Variants in CDC42EP4 observed in about 807,000 individuals in gnomAD.
CDC42EP4 encodes CDC42 effector protein (Rho GTPase binding) 4.
Under a neutral mutation model 5.6 loss-of-function variants are expected in CDC42EP4, and 6 were observed. That is an observed-to-expected ratio of 1.07 (90% CI 0.59 to 2.12). CDC42EP4 has a LOEUF of 2.12. Among genes scored for constraint, CDC42EP4 ranks in the 30% most tolerant of loss-of-function variants. CDC42EP4 has a pLI of 0.00. For synonymous variants in CDC42EP4, 230 were observed against 224.2 expected, an observed-to-expected ratio of 1.03 and a Z score of -0.23; for missense variants, 490 against 508.6, an observed-to-expected ratio of 0.96 and a Z score of 0.35.
At chr17:73,303,630 C>G (rs559413630) in intron 1 of CDC42EP4, among the ~76,000 whole-genome samples, 3 of 150,398 alleles carry the variant, frequency 2.0e-5, no homozygotes, top group African/African-American at 7.4e-5. Context: ...CCTCTGCACT[C>G]CAGCCTGGGC....
intron 1 of CDC42EP4, chr17:73,311,204 G>T (rs1599446804): frequency 6.6e-6 from 1 of 152,228 alleles, no homozygotes; most frequent in African/African-American, 2.4e-5. Context: ...GAGCGGGCGG[G>T]GCGGGAGCCT....
At chr17:73,311,795 C>G (rs113256843) in intron 1 of CDC42EP4, 98 bp downstream of exon 1, 1 of 152,044 alleles carries the variant, frequency 6.6e-6, no homozygotes, top group African/African-American at 2.4e-5. Flanking sequence ...AGCTTCGATC[C>G]TCTCTGCCCC....
In CDC42EP4 at chr17:73,289,522, G is replaced by A. The variant is rs573449681; in HGVS notation, c.-112-2910C>T. Among the ~76,000 whole-genome samples, 15 of 151,060 alleles carry A rather than the reference G, an allele frequency of 9.9e-5. No homozygotes were observed. The East Asian group carries it at 2.0e-3, about 20-fold the overall frequency. ...CCACGCATCCTCATGCAGCTCTTCC[G>A]TTTGGCTGTTCCTGAGTCGTATCTT... is the stretch of plus-strand genomic sequence containing the variant. On this transcript the variant is annotated intron_variant, in intron 1 of 1. Transcript: ENST00000335793.
intron 1 of CDC42EP4, among the ~76,000 whole-genome samples, chr17:73,303,270 A>C (rs1273635530): frequency 6.6e-6 from 1 of 151,408 alleles, no homozygotes; most frequent in Non-Finnish European, 1.5e-5. Context: ...TTGAACCCAG[A>C]AAGCAGAGGT....
intron 1 of CDC42EP4, among the ~76,000 whole-genome samples, chr17:73,293,014 G>A (rs901846189): frequency 6.6e-6 from 1 of 151,934 alleles, no homozygotes. Flanking sequence ...GCTCCTGGCC[G>A]ATTTTTTTAT....
At position 73,283,735 on chromosome 17, in the gene CDC42EP4, G is replaced by C. The variant is rs1362653913; in HGVS notation, c.*1695C>G. The stretch of plus-strand genomic sequence containing the variant: ...CGGGATTCGAGGGCAGCTGGCGGGG[G>C]CTGCATAGCCCCTGAGGTTCCTCCC... On this transcript the variant is annotated 3_prime_UTR_variant, in exon 2 of 2. Coordinates refer to ENST00000335793, the MANE Select transcript of CDC42EP4 (RefSeq NM_012121.5). 1.3e-5 allele frequency: 2 copies of C among 152,260 alleles called. No individual in the cohort carries two copies. Among genetic ancestry groups the C allele is most frequent in the Non-Finnish European group, 2.9e-5 (2 of 68,098 alleles). The allele number at this position is 152,260 out of a possible 1,614,324, so 9.4% of individuals were successfully genotyped here.
intron 1 of CDC42EP4, among the ~76,000 whole-genome samples, chr17:73,296,394 G>A (rs1351047738): frequency 1.9e-4 from 27 of 142,336 alleles, no homozygotes; most frequent in Non-Finnish European, 3.6e-4. Context: ...CTCCAGCCTG[G>A]GCAACAGAGG....
At chr17:73,304,012 A>T (rs2062232546) in intron 1 of CDC42EP4, among the ~76,000 whole-genome samples, 1 of 152,238 alleles carries the variant, frequency 6.6e-6, no homozygotes, top group Admixed American at 6.5e-5. Context: ...CTCATTATCA[A>T]GAACACTCCG....
At chr17:73,302,325 A>G (rs1174384601) in intron 1 of CDC42EP4, among the ~76,000 whole-genome samples, 3 of 152,112 alleles carry the variant, frequency 2.0e-5, no homozygotes, top group African/African-American at 7.2e-5. Context: ...TACACTGCCA[A>G]TATAATGTTG....
chr17:73,297,422 T>A (rs1183029603), intron 1 of CDC42EP4, among the ~76,000 whole-genome samples: 1 of 151,478 alleles, frequency 6.6e-6, no homozygotes, highest in Admixed American at 6.6e-5. Context: ...TGCAGTGAGC[T>A]GAGATCACGC....
In CDC42EP4 at chr17:73,290,062, G is replaced by A. The variant is rs76078842; in HGVS notation, c.-112-3450C>T. On this transcript the variant is annotated intron_variant, in intron 1 of 1. Transcript: ENST00000335793. ...AGCAGGGACACCAGTCAGGAACGGA[G>A]GGGACCCCATCTTCCACCTGCCTGC... Among the ~76,000 whole-genome samples, 72 of 152,304 alleles carry A rather than the reference G, an allele frequency of 4.7e-4. No individual in the cohort carries two copies. The East Asian group carries it at 0.012, about 26-fold the overall frequency.
At chr17:73,295,837 A>G (rs1487670894) in intron 1 of CDC42EP4, among the ~76,000 whole-genome samples, 2 of 151,218 alleles carry the variant, frequency 1.3e-5, no homozygotes, top group South Asian at 2.1e-4. Context: ...CCTGGGAGGC[A>G]GAGGTTGCAG....
chr17:73,287,526 A>C (rs1439601218), intron 1 of CDC42EP4, among the ~76,000 whole-genome samples: 1 of 151,944 alleles, frequency 6.6e-6, no homozygotes, highest in Non-Finnish European at 1.5e-5. Context: ...TGGAGGCACC[A>C]CTCTCACAGC....
intron 1 of CDC42EP4, among the ~76,000 whole-genome samples, chr17:73,298,614 C>T (rs2062200729): frequency 6.6e-6 from 1 of 152,238 alleles, no homozygotes; most frequent in African/African-American, 2.4e-5. Context: ...AACCAGCACC[C>T]AGGTGCTCCA....
At chr17:73,302,482 ATTT>A (rs536914576) in intron 1 of CDC42EP4, among the ~76,000 whole-genome samples, 1 of 147,448 alleles carries the variant, frequency 6.8e-6, no homozygotes, top group African/African-American at 2.5e-5. Context: ...TGAATTTTTA[ATTT>A]TTTTTTTTTG....
chr17:73,301,562 G>C (rs1164737940), intron 1 of CDC42EP4, among the ~76,000 whole-genome samples: 2 of 152,198 alleles, frequency 1.3e-5, no homozygotes, highest in Admixed American at 1.3e-4. Flanking sequence ...ACTATTTCCA[G>C]ATGATACATT....
intron 1 of CDC42EP4, among the ~76,000 whole-genome samples, chr17:73,287,811 G>T (rs990846364): frequency 6.6e-6 from 1 of 152,068 alleles, no homozygotes; most frequent in Non-Finnish European, 1.5e-5. Context: ...TGCTTCCTCC[G>T]CATGCCTGCC....
intron 1 of CDC42EP4, among the ~76,000 whole-genome samples, chr17:73,300,668 C>T (rs1380351502): frequency 6.6e-6 from 1 of 152,094 alleles, no homozygotes; most frequent in African/African-American, 2.4e-5. Flanking sequence ...CACTACAAGC[C>T]CAGACTTCAC....
chr17:73,303,189 C>G (rs1198165204), intron 1 of CDC42EP4, among the ~76,000 whole-genome samples: 3 of 146,930 alleles, frequency 2.0e-5, no homozygotes, highest in Non-Finnish European at 3.0e-5. Flanking sequence ...ACTAAAAATA[C>G]AAAATTAGCT....
Sources: allele counts gnomAD v4.1 joint callset (sites outside exome capture counted in the v4.1 genomes callset), GRCh38; gene constraint gnomAD v4.1.1; transcripts MANE v1.5; gene names NCBI Gene and HGNC (gene_info 2026-07-23, HGNC 2026-07-21).